The following CNTN5 variants were observed in gnomAD, a reference collection of about 807,000 sequenced individuals.
CNTN5 encodes the protein contactin 5, also known as contactin-5.
CNTN5 carries 77 observed loss-of-function variants against 129.1 expected under a neutral mutation model. The observed-to-expected ratio is 0.60, with a 90% confidence interval of 0.50 to 0.72. The LOEUF (loss-of-function observed/expected upper bound fraction) is 0.72, where lower values mean the gene tolerates loss of function less well. Among genes scored for constraint, CNTN5 ranks in the 30% least tolerant of loss-of-function variants. The pLI is 0.00. For missense variants in CNTN5, 1,478 were observed against 1,328.8 expected, an observed-to-expected ratio of 1.11 and a Z score of -1.75; for synonymous variants, 509 against 465.6, an observed-to-expected ratio of 1.09 and a Z score of -1.20.
At chr11:99,307,288 A>T (rs1864920720) in intron 1 of CNTN5, among the ~76,000 whole-genome samples, 1 of 151,300 alleles carries the variant, frequency 6.6e-6, no homozygotes, top group Non-Finnish European at 1.5e-5. Flanking sequence ...GTCTCACAGT[A>T]TTTTTTTTTC....
chr11:99,673,669 T>G (rs1481766490), intron 3 of CNTN5, among the ~76,000 whole-genome samples: 1 of 152,104 alleles, frequency 6.6e-6, no homozygotes, highest in Non-Finnish European at 1.5e-5. Context: ...ATCATTTATC[T>G]CCCACTTATA....
chr11:100,058,915 T>TGATCTGCCCGCCTTGGC (rs1943351835), intron 9 of CNTN5, among the ~76,000 whole-genome samples: 1 of 152,136 alleles, frequency 6.6e-6, no homozygotes, highest in African/African-American at 2.4e-5. Context: ...TTAGGACAGG[T>TGATCTGCCCGCCTTGGC]CTCAGAGGAT....
intron 2 of CNTN5, among the ~76,000 whole-genome samples, chr11:99,523,641 GA>G (rs1327120674): frequency 3.1e-4 from 16 of 51,532 alleles, no homozygotes; most frequent in Middle Eastern, 0.018. Context: ...GAATAGAATA[GA>G]ATAGAATAGA....
intron 1 of CNTN5, among the ~76,000 whole-genome samples, chr11:99,154,235 G>T (rs1377521365): frequency 6.6e-6 from 1 of 152,172 alleles, no homozygotes; most frequent in African/African-American, 2.4e-5. Flanking sequence ...CAGCGGCATG[G>T]TATGGGTGGG....
chr11:100,198,741 G>A (rs1166668883), intron 15 of CNTN5, among the ~76,000 whole-genome samples: 1 of 151,814 alleles, frequency 6.6e-6, no homozygotes, highest in African/African-American at 2.4e-5. Context: ...TCAGAAGATT[G>A]GAAAGTAGGA....
At chr11:99,476,552 A>G (rs926241896) in intron 2 of CNTN5, among the ~76,000 whole-genome samples, 7 of 152,168 alleles carry the variant, frequency 4.6e-5, no homozygotes, top group African/African-American at 1.4e-4. Context: ...TGTGTTACCT[A>G]AACATTCTGG....
intron 2 of CNTN5, among the ~76,000 whole-genome samples, chr11:99,507,746 A>C (rs1328380370): frequency 6.6e-6 from 1 of 152,212 alleles, no homozygotes; most frequent in Non-Finnish European, 1.5e-5. Context: ...TTCACGTGCC[A>C]TATTTTTTCA....
intron 2 of CNTN5, among the ~76,000 whole-genome samples, chr11:99,363,941 A>C (rs1327616209): frequency 2.0e-5 from 3 of 152,142 alleles, no homozygotes; most frequent in Non-Finnish European, 4.4e-5. Flanking sequence ...TCACATGTTC[A>C]AATAATTAGA....
chr11:100,307,432 C>T, intron 20 of CNTN5, among the ~76,000 whole-genome samples: 1 of 151,550 alleles, frequency 6.6e-6, no homozygotes, highest in Middle Eastern at 3.2e-3. Flanking sequence ...CATGTCAACA[C>T]TAGAAATATT....
chr11:99,408,531 A>C (rs1942242285), intron 2 of CNTN5, among the ~76,000 whole-genome samples: 1 of 132,236 alleles, frequency 7.6e-6, no homozygotes, highest in Non-Finnish European at 1.7e-5. Context: ...TTGGAGTCTC[A>C]ATATGTTGCC....
chr11:99,985,970 A>G (rs1451762477), intron 8 of CNTN5, among the ~76,000 whole-genome samples: 2 of 152,140 alleles, frequency 1.3e-5, no homozygotes, highest in Non-Finnish European at 2.9e-5. Context: ...TGTGATTATC[A>G]ATTATTCTAC....
intron 1 of CNTN5, among the ~76,000 whole-genome samples, chr11:99,264,649 G>A (rs575693862): frequency 1.7e-4 from 26 of 152,100 alleles, no homozygotes; most frequent in African/African-American, 5.5e-4. Flanking sequence ...TTGTTCAATC[G>A]TTTGGAATTT....
chr11:99,734,778 G>A (rs1363884108), intron 3 of CNTN5, among the ~76,000 whole-genome samples: 1 of 151,258 alleles, frequency 6.6e-6, no homozygotes, highest in East Asian at 1.9e-4. Context: ...TGCTGGGTCC[G>A]GGGAAAAGCT....
intron 1 of CNTN5, among the ~76,000 whole-genome samples, chr11:99,046,577 AAG>A (rs1214220871): frequency 6.6e-6 from 1 of 152,196 alleles, no homozygotes; most frequent in Non-Finnish European, 1.5e-5. Context: ...TGGGTGGTAC[AAG>A]AGAGTCATTT....
intron 13 of CNTN5, among the ~76,000 whole-genome samples, chr11:100,140,970 C>T (rs561926702): frequency 9.9e-5 from 15 of 152,096 alleles, no homozygotes; most frequent in South Asian, 2.1e-4. Context: ...TGGGCATGAG[C>T]GTTGTACAGA....
chr11:99,059,454 C>T (rs936072927), intron 1 of CNTN5, among the ~76,000 whole-genome samples: 1 of 152,090 alleles, frequency 6.6e-6, no homozygotes, highest in Non-Finnish European at 1.5e-5. Flanking sequence ...TTAAAAGTTT[C>T]TCAGAGCTAA....
intron 16 of CNTN5, among the ~76,000 whole-genome samples, chr11:100,241,214 T>G (rs1025340660): frequency 6.6e-6 from 1 of 152,182 alleles, no homozygotes; most frequent in Non-Finnish European, 1.5e-5. Flanking sequence ...TTTGTAATTA[T>G]TCGTACCAGT....
intron 4 of CNTN5, among the ~76,000 whole-genome samples, chr11:99,835,350 A>AG (rs940851011): frequency 3.3e-5 from 5 of 152,182 alleles, no homozygotes; most frequent in Non-Finnish European, 7.3e-5. Flanking sequence ...GGTTGGGATG[A>AG]GGGTTCCTAT....
chr11:99,038,274 T>C (rs765921711), intron 1 of CNTN5, among the ~76,000 whole-genome samples: 24 of 152,098 alleles, frequency 1.6e-4, no homozygotes, highest in Non-Finnish European at 2.6e-4. Flanking sequence ...ATGATAAAAG[T>C]TTTTTTACTT....
Sources: gnomAD v4.1 joint callset for allele counts (sites outside exome capture counted in the v4.1 genomes callset) on GRCh38, gnomAD v4.1.1 for gene constraint, MANE v1.5 for transcripts, NCBI Gene and HGNC (gene_info 2026-07-23, HGNC 2026-07-21) for gene names.